SDCCAG8: variants seen among roughly 807,000 people sequenced by gnomAD.
The protein encoded by SDCCAG8 is SHH signaling and ciliogenesis regulator SDCCAG8.
SDCCAG8 carries 74 observed loss-of-function variants against 101.8 expected under a neutral mutation model. The ratio of observed to expected loss-of-function variants is 0.73; its 90% CI spans 0.60 to 0.88. The LOEUF is 0.88. Ranked by LOEUF, SDCCAG8 falls within the 40% of genes least tolerant of loss-of-function variation. The pLI, the probability that SDCCAG8 is intolerant of heterozygous loss-of-function variation, is 0.00. For synonymous variants in SDCCAG8, 281 were observed against 292.9 expected (o/e 0.96, Z 0.41); for missense variants, 787 against 822.6 (o/e 0.96, Z 0.53).
intron 13 of SDCCAG8, among the ~76,000 whole-genome samples, chr1:243,401,833 C>A (rs1029272566): frequency 6.6e-5 from 10 of 151,952 alleles, no homozygotes; most frequent in Non-Finnish European, 4.4e-5. Context: ...TCCTTTGTTT[C>A]TCCTTTCAAA....
intron 16 of SDCCAG8, among the ~76,000 whole-genome samples, chr1:243,478,662 C>T (rs1161797354): frequency 6.6e-6 from 1 of 152,058 alleles, no homozygotes; most frequent in Non-Finnish European, 1.5e-5. Context: ...GAAATGTAAA[C>T]AGCAAACCAG....
intron 13 of SDCCAG8, among the ~76,000 whole-genome samples, chr1:243,382,600 A>G (rs1289956147): frequency 1.3e-5 from 2 of 152,216 alleles, no homozygotes; most frequent in South Asian, 4.1e-4. Flanking sequence ...AAAGTGTACC[A>G]ACTCCTCAGG....
At chr1:243,265,860 T>G (rs1266081614) in intron 1 of SDCCAG8, among the ~76,000 whole-genome samples, 3 of 152,060 alleles carry the variant, frequency 2.0e-5, no homozygotes, top group Non-Finnish European at 2.9e-5. Flanking sequence ...ATGAAAGAAC[T>G]CTGCCTACAG....
chr1:243,360,737 G>A (rs781326229), intron 12 of SDCCAG8, among the ~76,000 whole-genome samples: 2 of 152,094 alleles, frequency 1.3e-5, no homozygotes, highest in Non-Finnish European at 2.9e-5. Context: ...CAGGAGAATC[G>A]TTTGAACCCG....
chr1:243,299,995 G>C (rs1279145757), intron 6 of SDCCAG8, among the ~76,000 whole-genome samples: 1 of 151,760 alleles, frequency 6.6e-6, no homozygotes, highest in African/African-American at 2.4e-5. Context: ...CTCCTGAGTA[G>C]CTGGTAATAT....
At chr1:243,404,508 G>A (rs1404144052) in intron 13 of SDCCAG8, among the ~76,000 whole-genome samples, 1 of 152,202 alleles carries the variant, frequency 6.6e-6, no homozygotes, top group East Asian at 1.9e-4. Flanking sequence ...GATGAAGAAA[G>A]TGACTTAATT....
rs1013707997 is a variant in SDCCAG8, at chr1:243,416,286, A to G, written c.1744+457A>G. On this transcript the variant is annotated intron_variant, in intron 14 of 17. Transcript: ENST00000366541. This position sits in a 1 kb window ranked among gnomAD's most constrained non-coding sequence, Gnocchi z 4.3. ...GTACACACATTATAGCTACTCTAAA[A>G]GCCTAATGAGTTTGCTTCAGCATCC... Among the ~76,000 whole-genome samples the G allele has an allele frequency of 1.3e-5, 2 of 152,214 alleles. No homozygotes were observed. The highest frequency in any genetic ancestry group is 2.9e-5 in the Non-Finnish European group (2 of 68,020).
Position 243,426,459 on chromosome 1 carries a change from G to T in SDCCAG8, c.1886G>T (p.Arg629Met), listed in dbSNP as rs548855151. 7.4e-6 allele frequency: 12 copies of T among 1,613,610 alleles called. No homozygotes were observed. Among genetic ancestry groups the T allele is most frequent in the African/African-American group, 1.3e-5 (1 of 74,978 alleles). ...SEIAQLSQEK[R>M]YTYDKLGKLQ... is the part of the protein sequence containing the mutation. ...ATAGCTCAACTCAGTCAAGAAAAAA[G>T]GTATACATATGATAAATTGGGAAAG... Residue 629 changes from arginine (R) to methionine (M), a missense_variant, in exon 16 of 18, where the codon AGG (arginine) becomes ATG (methionine). Transcript: ENST00000366541.
At chr1:243,444,310 C>T (rs574705620) in intron 16 of SDCCAG8, among the ~76,000 whole-genome samples, 17 of 151,372 alleles carry the variant, frequency 1.1e-4, no homozygotes, top group Non-Finnish European at 2.1e-4. Flanking sequence ...ATTTAGATTA[C>T]GTCATAGGCT....
intron 9 of SDCCAG8, among the ~76,000 whole-genome samples, chr1:243,323,074 G>T (rs2073889424): frequency 6.6e-6 from 1 of 151,644 alleles, no homozygotes; most frequent in Non-Finnish European, 1.5e-5. Context: ...GGCAGAGGTT[G>T]CAGTGAGCTG....
At chr1:243,485,677 G>A (rs908784090) in intron 16 of SDCCAG8, among the ~76,000 whole-genome samples, 5 of 152,016 alleles carry the variant, frequency 3.3e-5, no homozygotes, top group South Asian at 2.1e-4. Flanking sequence ...AGGCTGAGGT[G>A]GGTGAATCAT....
chr1:243,462,540 T>C (rs1045928789), intron 16 of SDCCAG8, among the ~76,000 whole-genome samples: 29 of 152,250 alleles, frequency 1.9e-4, no homozygotes, highest in Admixed American at 3.3e-4. Flanking sequence ...CTTGGCTGTC[T>C]TGTTCTCCAC....
intron 6 of SDCCAG8, among the ~76,000 whole-genome samples, chr1:243,301,058 T>C (rs2071450903): frequency 6.6e-6 from 1 of 152,194 alleles, no homozygotes. Flanking sequence ...CACAAATCTG[T>C]TATAAAAAGT....
At chr1:243,407,622 AT>A (rs1300809917) in intron 13 of SDCCAG8, among the ~76,000 whole-genome samples, 5 of 152,104 alleles carry the variant, frequency 3.3e-5, no homozygotes, top group Non-Finnish European at 7.4e-5. Flanking sequence ...CTGTAAGAAC[AT>A]TTTTGGAGGG....
intron 9 of SDCCAG8, among the ~76,000 whole-genome samples, chr1:243,327,359 A>ATTATAATTTTATAGAAATTAAAATTATAT: frequency 3.3e-5 from 2 of 59,866 alleles, no homozygotes; most frequent in Admixed American, 2.3e-4. Flanking sequence ...TAAAATTATA[A>ATTATAATTTTATAGAAATTAAAATTATAT]TTATAATTTT....
At chr1:243,384,329 T>C (rs955044451) in intron 13 of SDCCAG8, among the ~76,000 whole-genome samples, 1 of 152,186 alleles carries the variant, frequency 6.6e-6, no homozygotes, top group African/African-American at 2.4e-5. Flanking sequence ...TCAGTACTGC[T>C]ATACAAATAA....
intron 15 of SDCCAG8, among the ~76,000 whole-genome samples, chr1:243,419,395 G>A (rs2080832177): frequency 1.3e-5 from 2 of 152,146 alleles, no homozygotes; most frequent in African/African-American, 4.8e-5. Flanking sequence ...AGATCCAAAA[G>A]TAATTTGTTA....
chr1:243,360,283 C>G (rs2076625389), intron 12 of SDCCAG8, among the ~76,000 whole-genome samples: 1 of 150,446 alleles, frequency 6.6e-6, no homozygotes, highest in South Asian at 2.1e-4. Flanking sequence ...GTATCTGGGA[C>G]TACAGGCACC....
intron 6 of SDCCAG8, among the ~76,000 whole-genome samples, chr1:243,299,472 G>A (rs1193996027): frequency 2.6e-5 from 4 of 152,122 alleles, no homozygotes; most frequent in African/African-American, 7.2e-5. Context: ...GGAGTGCAAT[G>A]GCATGATCTT....
Sources: gnomAD v4.1 joint callset for allele counts (sites outside exome capture counted in the v4.1 genomes callset) on GRCh38, gnomAD v4.1.1 for gene constraint, Gnocchi (gnomAD v3.1) non-coding constraint, MANE v1.5 for transcripts, NCBI Gene and HGNC (gene_info 2026-07-23, HGNC 2026-07-21) for gene names.